The following PGPEP1 variants were observed in gnomAD, a reference collection of about 807,000 sequenced individuals.
PGPEP1 encodes the protein pyroglutamyl-peptidase I, also known as pyroglutamyl-peptidase 1.
A neutral mutation model predicts 24.1 loss-of-function variants in PGPEP1; 15 were observed. That is an observed-to-expected ratio of 0.62 (90% CI 0.42 to 0.96). The LOEUF is 0.96. Among genes scored for constraint, PGPEP1 ranks in the 40% least tolerant of loss-of-function variants. The probability of loss-of-function intolerance (pLI) is 0.00; values close to 1 mark genes in which losing one functional copy is unlikely to be tolerated. For missense variants in PGPEP1, 242 were observed against 273.4 expected (o/e 0.89, Z 0.81); for synonymous variants, 122 against 116.4 (o/e 1.05, Z -0.31).
At chr19:18,348,902 A>T (rs935023106) in intron 2 of PGPEP1, 10 of 153,584 alleles carry the variant, frequency 6.5e-5, no homozygotes, top group African/African-American at 2.4e-4. Flanking sequence ...GACTACAGGC[A>T]TGCACCACCA....
chr19:18,357,570 C>T lies in PGPEP1; in HGVS notation c.392C>T (p.Thr131Met), dbSNP rs148927470. 1.8e-5 allele frequency: 29 copies of T among 1,612,456 alleles called. No homozygotes were observed. Among genetic ancestry groups the T allele is most frequent in the African/African-American group, 2.7e-5 (2 of 74,986 alleles). ...GATGCTGTGTGCAAGCGAGTCACCA[C>T]GTTGGGCCTGGATGTGTCGGTGACC... is the stretch of plus-strand genomic sequence containing the variant. The part of the protein sequence containing the change: ...DMDAVCKRVT[T>M]LGLDVSVTIS... Residue 131 changes from threonine (T) to methionine (M), a missense_variant, in exon 4 of 5, where the codon ACG (threonine) becomes ATG (methionine). Coordinates refer to ENST00000269919, the MANE Select transcript of PGPEP1 (RefSeq NM_017712.4).
chr19:18,364,111 T>TCTTTCTTTCTTTCTTTCTTTCTTG lies in PGPEP1; in HGVS notation c.*531_*532insTCTTTCTTTCTTTCTTTCTTGCTT, dbSNP rs1568321104. 1 of 96,164 alleles carries TCTTTCTTTCTTTCTTTCTTTCTTG rather than the reference T, an allele frequency of 1.0e-5. No homozygotes were observed. Among genetic ancestry groups the TCTTTCTTTCTTTCTTTCTTTCTTG allele is most frequent in the Non-Finnish European group, 2.4e-5 (1 of 41,986 alleles). The allele number at this position is 96,164 out of a possible 1,614,324, so 6.0% of individuals were successfully genotyped here. On this transcript the variant is annotated 3_prime_UTR_variant, in exon 5 of 5. Transcript: ENST00000269919. Reference sequence around the variant, plus strand: ...TTCTTTCTTTCTTTCTTTCTTTCTTTCTTGCTTTCTTTCTTTCTTGCTTTC... The same window carrying TCTTTCTTTCTTTCTTTCTTTCTTG: ...TTCTTTCTTTCTTTCTTTCTTTCTTTCTTTCTTTCTTTCTTTCTTTCTTGCTTGCTTTCTTTCTTTCTTGCTTTC...
At chr19:18,346,608 T>A (rs1182018885) in intron 2 of PGPEP1, among the ~76,000 whole-genome samples, 1 of 150,266 alleles carries the variant, frequency 6.7e-6, no homozygotes, top group East Asian at 2.0e-4. Context: ...TTTCACCTTC[T>A]CTATCTGTGT....
At position 18,353,209 on chromosome 19, in the gene PGPEP1, G is replaced by A. The variant is rs569460360; in HGVS notation, c.88-2686G>A. Among the ~76,000 whole-genome samples, 16 of 151,072 alleles carry A rather than the reference G, an allele frequency of 1.1e-4. No individual in the cohort carries two copies. In the East Asian group the frequency reaches 2.7e-3, roughly 26 times the overall value. Reference sequence around the variant, plus strand: ...ATTGGAATTACAGGCATGAGCCACCGGGCCTGGTTCATTTTTTTTTTTTTT... The same window carrying A: ...ATTGGAATTACAGGCATGAGCCACCAGGCCTGGTTCATTTTTTTTTTTTTT... On this transcript the variant is annotated intron_variant, in intron 2 of 4. Coordinates refer to ENST00000269919, the MANE Select transcript of PGPEP1 (RefSeq NM_017712.4).
At chr19:18,341,976 C>T (rs544810977) in intron 1 of PGPEP1, among the ~76,000 whole-genome samples, 2 of 151,906 alleles carry the variant, frequency 1.3e-5, no homozygotes, top group South Asian at 2.1e-4. Flanking sequence ...GGCGCGATCT[C>T]GGCTCACTGC....
At chr19:18,350,299 A>G (rs539028465) in intron 2 of PGPEP1, among the ~76,000 whole-genome samples, 15 of 152,312 alleles carry the variant, frequency 9.8e-5, no homozygotes, top group African/African-American at 3.4e-4. Flanking sequence ...TGCTGGGATT[A>G]CAGGCATGAG....
intron 2 of PGPEP1, among the ~76,000 whole-genome samples, chr19:18,352,179 G>A (rs1971047328): frequency 6.8e-6 from 1 of 146,086 alleles, no homozygotes; most frequent in Non-Finnish European, 1.5e-5. Flanking sequence ...GGCTGAGGCA[G>A]GAGAATGGCG....
At chr19:18,362,045 C>T (rs961468092) in intron 4 of PGPEP1, 3 of 180,310 alleles carry the variant, frequency 1.7e-5, no homozygotes, top group African/African-American at 4.8e-5. Flanking sequence ...ATACATAATA[C>T]GATGGGGAGC....
At chr19:18,362,718 C>T (rs1971376960) in intron 4 of PGPEP1, among the ~76,000 whole-genome samples, 1 of 132,970 alleles carries the variant, frequency 7.5e-6, no homozygotes, top group African/African-American at 2.7e-5. Context: ...ACAGAGCAGA[C>T]TCTGTCTCAA....
chr19:18,361,092 A>C (rs1267234413), intron 4 of PGPEP1, among the ~76,000 whole-genome samples: 1 of 151,578 alleles, frequency 6.6e-6, no homozygotes, highest in Non-Finnish European at 1.5e-5. Flanking sequence ...TTGGCCTCCC[A>C]AGGTGCTAGA....
rs1164869213 is a variant in PGPEP1 at position 18,365,703 on chromosome 19, C to T, written c.*2120C>T. The T allele has an allele frequency of 1.3e-5, 2 of 152,198 alleles. No individual in the cohort carries two copies. Among genetic ancestry groups the T allele is most frequent in the African/African-American group, 4.8e-5 (2 of 41,448 alleles). The allele number at this position is 152,198 out of a possible 1,614,324, so 9.4% of individuals were successfully genotyped here. ...TCTTCAGCGTTCACCTTCCTTGTCT[C>T]CAGTTCCGATGCTGGCAGTGGTTCC... On this transcript the variant is annotated 3_prime_UTR_variant, in exon 5 of 5. Transcript: ENST00000269919.
intron 1 of PGPEP1, among the ~76,000 whole-genome samples, chr19:18,341,817 C>T (rs1041078477): frequency 2.0e-5 from 3 of 152,130 alleles, no homozygotes; most frequent in Admixed American, 6.6e-5. Context: ...TTAGGAGGTC[C>T]CCTCCTGAGC....
At chr19:18,343,745 G>A (rs1010788165) in intron 2 of PGPEP1, among the ~76,000 whole-genome samples, 17 of 144,142 alleles carry the variant, frequency 1.2e-4, no homozygotes, top group Non-Finnish European at 2.1e-4. Context: ...GTGCAGTGGC[G>A]CGATCTTGGC....
chr19:18,347,123 C>T (rs184650219), intron 2 of PGPEP1, among the ~76,000 whole-genome samples: 2 of 151,090 alleles, frequency 1.3e-5, no homozygotes, highest in Non-Finnish European at 3.0e-5. Flanking sequence ...GTTCAATGGT[C>T]GATTGAACGA....
At chr19:18,358,502 C>T (rs1158743452) in intron 4 of PGPEP1, among the ~76,000 whole-genome samples, 1 of 151,978 alleles carries the variant, frequency 6.6e-6, no homozygotes, top group Non-Finnish European at 1.5e-5. Flanking sequence ...TCAGGTGATG[C>T]ACCCACCTCT....
intron 2 of PGPEP1, among the ~76,000 whole-genome samples, chr19:18,350,037 G>C (rs915533449): frequency 1.3e-5 from 2 of 151,312 alleles, no homozygotes; most frequent in African/African-American, 2.4e-5. Context: ...TTTGTTTGTT[G>C]GTTTGTTTTG....
At chr19:18,362,339 G>T (rs969932205) in intron 4 of PGPEP1, among the ~76,000 whole-genome samples, 2 of 149,766 alleles carry the variant, frequency 1.3e-5, no homozygotes, top group Non-Finnish European at 3.0e-5. Flanking sequence ...CCCGGGAGGC[G>T]AAGGTTGGAG....
At chr19:18,344,826 A>G (rs1183561419) in intron 2 of PGPEP1, among the ~76,000 whole-genome samples, 1 of 152,120 alleles carries the variant, frequency 6.6e-6, no homozygotes, top group Non-Finnish European at 1.5e-5. Flanking sequence ...CCTGGGCCCC[A>G]GACACTGATC....
At chr19:18,349,187 T>G (rs1396138805) in intron 2 of PGPEP1, 1 of 832,150 alleles carries the variant, frequency 1.2e-6, no homozygotes, top group Non-Finnish European at 1.4e-6. Flanking sequence ...TGTTGTTTTT[T>G]ATTTTTGTTT....
Sources: gnomAD v4.1 joint callset for allele counts (sites outside exome capture counted in the v4.1 genomes callset) on GRCh38, gnomAD v4.1.1 for gene constraint, MANE v1.5 for transcripts, NCBI Gene and HGNC (gene_info 2026-07-23, HGNC 2026-07-21) for gene names.